KCNU1: variants seen among roughly 807,000 people sequenced by gnomAD.
KCNU1 encodes potassium calcium-activated channel subfamily U member 1.
A neutral mutation model predicts 126.8 loss-of-function variants in KCNU1; 93 were observed. The observed-to-expected ratio is 0.73, with a 90% CI of 0.62 to 0.87. The LOEUF is 0.87. Among genes scored for constraint, KCNU1 ranks in the 40% least tolerant of loss-of-function variants. KCNU1 has a pLI of 0.00. For missense variants in KCNU1, 1,330 were observed against 1,367.1 expected (o/e 0.97, Z 0.43); for synonymous variants, 523 against 494.2 (o/e 1.06, Z -0.77).
At chr8:36,901,429 G>T (rs569504682) in intron 19 of KCNU1, among the ~76,000 whole-genome samples, 1 of 152,094 alleles carries the variant, frequency 6.6e-6, no homozygotes, top group Non-Finnish European at 1.5e-5. Context: ...CAGAATGGTC[G>T]CAGAAAACAG....
At chr8:36,821,558 AT>A (rs1488676396) in intron 10 of KCNU1, among the ~76,000 whole-genome samples, 23 of 152,172 alleles carry the variant, frequency 1.5e-4, no homozygotes. Flanking sequence ...AGCTGATTCT[AT>A]AAAGAGATGA....
chr8:36,831,723 G>C (rs1804555792), intron 10 of KCNU1, among the ~76,000 whole-genome samples: 1 of 148,896 alleles, frequency 6.7e-6, no homozygotes, highest in Non-Finnish European at 1.5e-5. Context: ...TGTTCACTCT[G>C]ATGGTAGTTT....
In KCNU1 at chr8:36,802,570, A is replaced by T. The variant is rs182803363; in HGVS notation, c.316-1457A>T. Among the ~76,000 whole-genome samples the T allele has an allele frequency of 9.8e-4, 150 of 152,286 alleles. 1 individual carries two copies. The highest frequency in any genetic ancestry group is 8.9e-3 in the Admixed American group (136 of 15,290). ...ACTTCTATAACCAGCTGAATGGGGA[A>T]TCTGGGAGGATAATAGTTCCAGCAG... On this transcript the variant is annotated intron_variant, in intron 2 of 26. Coordinates refer to ENST00000399881, the MANE Select transcript of KCNU1 (RefSeq NM_001031836.3).
intron 19 of KCNU1, among the ~76,000 whole-genome samples, chr8:36,899,121 A>C (rs1437586018): frequency 6.6e-6 from 1 of 152,124 alleles, no homozygotes; most frequent in Non-Finnish European, 1.5e-5. Flanking sequence ...AAAGCGCTGC[A>C]GAAAAGCTGT....
At chr8:36,830,689 T>C (rs1004803697) in intron 10 of KCNU1, among the ~76,000 whole-genome samples, 5 of 152,082 alleles carry the variant, frequency 3.3e-5, no homozygotes, top group African/African-American at 1.2e-4. Context: ...TGTGTGTGTG[T>C]TTGGATGTGT....
At chr8:36,801,037 A>G (rs1274159491) in intron 2 of KCNU1, among the ~76,000 whole-genome samples, 3 of 152,202 alleles carry the variant, frequency 2.0e-5, no homozygotes, top group Non-Finnish European at 4.4e-5. Context: ...AATTTGAACC[A>G]TATTAGCCAC....
intron 19 of KCNU1, among the ~76,000 whole-genome samples, chr8:36,896,511 A>G (rs780812461): frequency 1.6e-4 from 25 of 152,112 alleles, no homozygotes; most frequent in African/African-American, 5.5e-4. Context: ...ACTCAATTAT[A>G]TAATCTCAAT....
In KCNU1 at chr8:36,865,281, T is replaced by C. The variant is rs556375411; in HGVS notation, c.2009+760T>C. Among the ~76,000 whole-genome samples, 6 of 152,228 alleles carry C rather than the reference T, an allele frequency of 3.9e-5. No individual in the cohort carries two copies. The South Asian group carries it at 1.2e-3, about 32-fold the overall frequency. On this transcript the variant is annotated intron_variant, in intron 19 of 26. Transcript: ENST00000399881. ...AAGCACTTTGCTGCTGCAGCCAGTA[T>C]GGAAAACAATATGCAAGTTCTTCAA...
At chr8:36,826,361 C>T (rs914446320) in intron 10 of KCNU1, among the ~76,000 whole-genome samples, 1 of 151,986 alleles carries the variant, frequency 6.6e-6, no homozygotes, top group Admixed American at 6.6e-5. Context: ...AAGTGCCCAC[C>T]ACCACGCCTG....
chr8:36,855,590 A>T (rs1805499767), intron 18 of KCNU1, among the ~76,000 whole-genome samples: 1 of 152,150 alleles, frequency 6.6e-6, no homozygotes, highest in Admixed American at 6.5e-5. Flanking sequence ...AAAATAACAC[A>T]AATCTTATAT....
chr8:36,864,440 G>A lies in KCNU1; in HGVS notation c.1928G>A (p.Gly643Glu), dbSNP rs1415076458. 6.2e-7 allele frequency: 1 copy of A among 1,612,434 alleles called. No individual in the cohort carries two copies. Among genetic ancestry groups the A allele is most frequent in the East Asian group, 2.2e-5 (1 of 44,828 alleles). Residue 643 changes from glycine to glutamate, a missense_variant, in exon 19 of 27, where the codon GGA (glycine) becomes GAA (glutamate). This residue lies in a region of KCNU1 where 1,054 missense variants were observed against 1,053.9 expected (regional missense o/e 1.00). Coordinates refer to ENST00000399881, the MANE Select transcript of KCNU1 (RefSeq NM_001031836.3). ...AAGAGAATGAAAAAATGTCTGAAGGGAATCTCCTCTCGTATATCAGGGCAG... is the reference window on the plus strand; with the variant it reads ...AAGAGAATGAAAAAATGTCTGAAGGAAATCTCCTCTCGTATATCAGGGCAG... ...SVKRMKKCLK[G>E]ISSRISGQDS...
intron 14 of KCNU1, 88 bp downstream of exon 14, chr8:36,837,033 C>A: frequency 1.6e-6 from 2 of 1,253,064 alleles, no homozygotes; most frequent in Non-Finnish European, 2.3e-6. Flanking sequence ...TTGAGAAAAG[C>A]ATCAAGGCCC....
At chr8:36,890,407 C>A (rs996054071) in intron 19 of KCNU1, among the ~76,000 whole-genome samples, 3 of 151,866 alleles carry the variant, frequency 2.0e-5, no homozygotes, top group African/African-American at 7.2e-5. Context: ...AAGCTACATG[C>A]ACTATACATT....
At chr8:36,849,588 A>AAAAC (rs533264424) in intron 18 of KCNU1, among the ~76,000 whole-genome samples, 56 of 152,270 alleles carry the variant, frequency 3.7e-4, no homozygotes, top group African/African-American at 1.1e-3. Flanking sequence ...AGACTGTCTC[A>AAAAC]AAACAAACAA....
intron 1 of KCNU1, among the ~76,000 whole-genome samples, chr8:36,786,938 T>A (rs1278014963): frequency 6.6e-6 from 1 of 152,180 alleles, no homozygotes; most frequent in East Asian, 1.9e-4. Flanking sequence ...TCTTTTTCTC[T>A]TTGTCCACGT....
In KCNU1 at chr8:36,837,022, T is replaced by A. The variant is rs56114812; in HGVS notation, c.1518+77T>A. On this transcript the variant is annotated intron_variant, in intron 14 of 26. Transcript: ENST00000399881. ...ATTAAGATCAGAAATAGGAAAAAAA[T>A]TTGAGAAAAGCATCAAGGCCCCAAG... 2.3e-3 allele frequency: 3,329 copies of A among 1,454,286 alleles called. 30 individuals carry two copies. Among genetic ancestry groups the A allele is most frequent in the East Asian group, 0.021 (912 of 43,696 alleles). 90.1% of individuals were successfully genotyped at this position (1,454,286 alleles called of 1,614,324 possible). A position where few individuals can be genotyped will look rare whatever the true frequency, so the allele number is the denominator to read the frequency against.
At chr8:36,888,773 A>G (rs1206220167) in intron 19 of KCNU1, 5 of 532,832 alleles carry the variant, frequency 9.4e-6, no homozygotes, top group East Asian at 5.5e-5. Context: ...CATGAAATCA[A>G]TCAACGAAAA....
intron 26 of KCNU1, among the ~76,000 whole-genome samples, chr8:36,934,600 T>C (rs2117624125): frequency 6.6e-6 from 1 of 152,258 alleles, no homozygotes; most frequent in Non-Finnish European, 1.5e-5. Flanking sequence ...GAATATGTGA[T>C]CTTGTTCAGC....
chr8:36,842,955 T>C (rs1733949049), intron 16 of KCNU1, among the ~76,000 whole-genome samples: 1 of 152,208 alleles, frequency 6.6e-6, no homozygotes, highest in Non-Finnish European at 1.5e-5. Flanking sequence ...TAAGCTACTG[T>C]GCCCAGCCTG....
Sources: allele counts gnomAD v4.1 joint callset (sites outside exome capture counted in the v4.1 genomes callset), GRCh38; gene constraint gnomAD v4.1.1; regional missense constraint gnomAD v4.1.1; transcripts MANE v1.5; gene names NCBI Gene and HGNC (gene_info 2026-07-23, HGNC 2026-07-21).